Variants in PTPRD observed in about 807,000 individuals in gnomAD.
PTPRD encodes protein tyrosine phosphatase receptor type D.
PTPRD carries 34 observed loss-of-function variants against 214.5 expected under a neutral mutation model. The observed-to-expected ratio is 0.16, with a 90% CI of 0.12 to 0.21. PTPRD has a LOEUF of 0.21. Among genes scored for constraint, PTPRD ranks in the 10% least tolerant of loss-of-function variants. PTPRD has a pLI of 1.00. For missense variants in PTPRD, 2,545 were observed against 2,398.7 expected (o/e 1.06, Z -1.27); for synonymous variants, 1,128 against 845.7 (o/e 1.33, Z -5.79).
intron 11 of PTPRD, among the ~76,000 whole-genome samples, chr9:8,898,489 A>G (rs2098638795): frequency 6.6e-6 from 1 of 152,354 alleles, no homozygotes; most frequent in East Asian, 1.9e-4. Context: ...TCTATTTTAT[A>G]TGGATTGAAT....
chr9:8,695,164 A>G (rs1565344379), intron 12 of PTPRD, among the ~76,000 whole-genome samples: 1 of 152,072 alleles, frequency 6.6e-6, no homozygotes, highest in South Asian at 2.1e-4. Context: ...TCTAAACACC[A>G]CATACAGAGG....
chr9:9,799,861 T>A (rs1425018099), intron 5 of PTPRD, among the ~76,000 whole-genome samples: 1 of 151,924 alleles, frequency 6.6e-6, no homozygotes, highest in African/African-American at 2.4e-5. Context: ...GGTGGAGAGC[T>A]TTCTTTTTGA....
intron 9 of PTPRD, among the ~76,000 whole-genome samples, chr9:9,268,364 A>T (rs1444612494): frequency 6.6e-6 from 1 of 151,256 alleles, no homozygotes; most frequent in African/African-American, 2.4e-5. Context: ...AAATGGAAAA[A>T]ACGCAAGTAT....
intron 10 of PTPRD, among the ~76,000 whole-genome samples, chr9:9,087,216 T>G (rs2099768331): frequency 1.3e-5 from 2 of 152,200 alleles, no homozygotes; most frequent in Admixed American, 1.3e-4. Context: ...GTGTGAAACA[T>G]CTACAGATTT....
intron 11 of PTPRD, among the ~76,000 whole-genome samples, chr9:8,805,269 C>G (rs935716062): frequency 8.5e-5 from 13 of 152,162 alleles, no homozygotes; most frequent in African/African-American, 3.1e-4. Context: ...TTGAGTAGCT[C>G]AAGTCCACAA....
chr9:9,583,308 A>AT (rs553387081), intron 7 of PTPRD, among the ~76,000 whole-genome samples: 1,629 of 152,184 alleles, frequency 0.011, 16 homozygotes, highest in Non-Finnish European at 0.016. Flanking sequence ...TATGTTTAAT[A>AT]TTTTGACTCT....
At position 8,932,557 on chromosome 9, in the gene PTPRD, G is replaced by C. The variant is rs139691508; in HGVS notation, c.-104+86140C>G. Among the ~76,000 whole-genome samples the C allele has an allele frequency of 5.9e-3, 897 of 152,282 alleles. 11 individuals carry two copies. Among genetic ancestry groups the C allele is most frequent in the African/African-American group, 0.02 (845 of 41,570 alleles). On this transcript the variant is annotated intron_variant, in intron 11 of 45. Coordinates refer to ENST00000381196, the MANE Select transcript of PTPRD (RefSeq NM_002839.4). ...GACTGTGGCTGCTGCCTTTCTTTCA[G>C]AGATGGCCTGCCCAGAGAGGAGGAA... is the stretch of plus-strand genomic sequence containing the variant.
chr9:9,170,082 A>C (rs188008822), intron 10 of PTPRD, among the ~76,000 whole-genome samples: 272 of 152,320 alleles, frequency 1.8e-3, no homozygotes, highest in Non-Finnish European at 2.8e-3. Flanking sequence ...CTGAAAATTA[A>C]ACTTTTTTCA....
At chr9:9,076,388 T>C (rs1280868993) in intron 10 of PTPRD, among the ~76,000 whole-genome samples, 3 of 152,122 alleles carry the variant, frequency 2.0e-5, no homozygotes, top group African/African-American at 4.8e-5. Flanking sequence ...AGAAGCTCTT[T>C]AGTTTAATTA....
chr9:10,089,063 G>T (rs2098397052), intron 3 of PTPRD, among the ~76,000 whole-genome samples: 1 of 151,422 alleles, frequency 6.6e-6, no homozygotes, highest in South Asian at 2.1e-4. Flanking sequence ...TAAAAAATTA[G>T]CCAGGCATCA....
chr9:8,852,364 A>G (rs2097836346), intron 11 of PTPRD, among the ~76,000 whole-genome samples: 1 of 152,238 alleles, frequency 6.6e-6, no homozygotes, highest in African/African-American at 2.4e-5. Context: ...AAAGGTCACT[A>G]TGCTCCTGAC....
chr9:9,831,502 G>A (rs2054823213), intron 5 of PTPRD, among the ~76,000 whole-genome samples: 2 of 151,890 alleles, frequency 1.3e-5, no homozygotes, highest in African/African-American at 4.8e-5. Flanking sequence ...TAACTGACAA[G>A]TACCCTTTTA....
intron 7 of PTPRD, among the ~76,000 whole-genome samples, chr9:9,619,389 A>C (rs187986408): frequency 6.6e-6 from 1 of 151,740 alleles, no homozygotes; most frequent in Admixed American, 6.6e-5. Context: ...GAAGGTGGCT[A>C]AACTTTGACA....
At chr9:8,626,014 G>T (rs1034856498) in intron 14 of PTPRD, among the ~76,000 whole-genome samples, 1 of 151,634 alleles carries the variant, frequency 6.6e-6, no homozygotes, top group Non-Finnish European at 1.5e-5. Flanking sequence ...CTCTTCTAAG[G>T]AGATACGTAA....
At chr9:9,839,142 C>G (rs1364907186) in intron 5 of PTPRD, among the ~76,000 whole-genome samples, 1 of 152,096 alleles carries the variant, frequency 6.6e-6, no homozygotes, top group Non-Finnish European at 1.5e-5. Flanking sequence ...GTTTTGGTAC[C>G]AGTACCATGC....
At chr9:9,519,643 C>T (rs58633029) in intron 8 of PTPRD, among the ~76,000 whole-genome samples, 1 of 151,954 alleles carries the variant, frequency 6.6e-6, no homozygotes, top group East Asian at 1.9e-4. Context: ...ATAAGCATAA[C>T]AAAAGGTATG....
At chr9:8,967,162 G>C (rs929655210) in intron 11 of PTPRD, among the ~76,000 whole-genome samples, 2 of 151,988 alleles carry the variant, frequency 1.3e-5, no homozygotes, top group African/African-American at 4.8e-5. Flanking sequence ...TGTTGGTGAG[G>C]TTGTGGAAAA....
chr9:8,707,301 T>C (rs973239672), intron 12 of PTPRD, among the ~76,000 whole-genome samples: 1 of 152,238 alleles, frequency 6.6e-6, no homozygotes, highest in Non-Finnish European at 1.5e-5. Context: ...GGATGGGCAA[T>C]GGATATTTCT....
intron 9 of PTPRD, among the ~76,000 whole-genome samples, chr9:9,362,286 C>T (rs774555337): frequency 6.0e-5 from 9 of 151,040 alleles, no homozygotes; most frequent in African/African-American, 9.7e-5. Context: ...AGCAGATTCT[C>T]CCTTTATTAT....
Sources: gnomAD v4.1 joint callset for allele counts (sites outside exome capture counted in the v4.1 genomes callset) on GRCh38, gnomAD v4.1.1 for gene constraint, MANE v1.5 for transcripts, NCBI Gene and HGNC (gene_info 2026-07-23, HGNC 2026-07-21) for gene names.